Variants in SPMIP6 observed in about 807,000 individuals in gnomAD.
SPMIP6 encodes sperm microtubule inner protein 6.
chr9:34,380,174 GA>G, the SPMIP6 span, among the ~76,000 whole-genome samples: 1 of 152,082 alleles, frequency 6.6e-6, no homozygotes, highest in Non-Finnish European at 1.5e-5. Context: ...AGGGGCGGGG[GA>G]TCACTATGGA....
chr9:34,389,257 C>T, the SPMIP6 span, among the ~76,000 whole-genome samples: 3 of 152,074 alleles, frequency 2.0e-5, no homozygotes, highest in Admixed American at 6.6e-5. Flanking sequence ...TCTTGATGAA[C>T]CTCTTCTTGT....
the SPMIP6 span, among the ~76,000 whole-genome samples, chr9:34,381,974 T>A: frequency 6.6e-6 from 1 of 152,196 alleles, no homozygotes; most frequent in African/African-American, 2.4e-5. This position sits in a 1 kb window ranked among gnomAD's most constrained non-coding sequence, Gnocchi z 4.4. Context: ...TGGAAGACTC[T>A]CCTGTATCTG....
At chr9:34,381,638 G>GGGGTA in the SPMIP6 span, 1 of 1,431,194 alleles carries the variant, frequency 7.0e-7, no homozygotes, top group Non-Finnish European at 9.2e-7. The surrounding 1 kb of genome is among the most constrained non-coding windows in gnomAD (Gnocchi z 4.4). Flanking sequence ...GGGGCGGGGT[G>GGGGTA]GGGTAGGAAG....
the SPMIP6 span, among the ~76,000 whole-genome samples, chr9:34,386,357 A>C: frequency 6.6e-6 from 1 of 152,158 alleles, no homozygotes; most frequent in Non-Finnish European, 1.5e-5. Flanking sequence ...GCCCTTTGGG[A>C]GGCCGAGGCA....
At chr9:34,380,157 C>T in the SPMIP6 span, among the ~76,000 whole-genome samples, 3 of 152,162 alleles carry the variant, frequency 2.0e-5, no homozygotes, top group Non-Finnish European at 4.4e-5. Context: ...GCTCTCTCGG[C>T]CTGGAGAGGG....
At chr9:34,385,957 G>C in the SPMIP6 span, among the ~76,000 whole-genome samples, 3 of 152,152 alleles carry the variant, frequency 2.0e-5, no homozygotes, top group African/African-American at 4.8e-5. Flanking sequence ...CAGTGCTCTT[G>C]TCTGAATTAC....
chr9:34,380,353 G>C, the SPMIP6 span, among the ~76,000 whole-genome samples: 1 of 152,206 alleles, frequency 6.6e-6, no homozygotes, highest in Non-Finnish European at 1.5e-5. Context: ...AGGTGGTGCG[G>C]GATCCGAGGA....
At chr9:34,391,258 C>T in the SPMIP6 span, among the ~76,000 whole-genome samples, 1 of 152,114 alleles carries the variant, frequency 6.6e-6, no homozygotes, top group African/African-American at 2.4e-5. Flanking sequence ...ATTTCTTCTA[C>T]ATCTATTGTT....
chr9:34,386,251 C>T, the SPMIP6 span, among the ~76,000 whole-genome samples: 60 of 152,250 alleles, frequency 3.9e-4, no homozygotes, highest in African/African-American at 1.4e-3. Flanking sequence ...CTCTGGGAAT[C>T]TAGCATCTTA....
the SPMIP6 span, chr9:34,381,151 G>T: frequency 6.4e-7 from 1 of 1,565,776 alleles, no homozygotes. This position sits in a 1 kb window ranked among gnomAD's most constrained non-coding sequence, Gnocchi z 4.4. Flanking sequence ...CGGGTCCCCA[G>T]CGCAGGAGAC....
chr9:34,379,581 C>G, the SPMIP6 span: 2 of 1,434,496 alleles, frequency 1.4e-6, no homozygotes, highest in Non-Finnish European at 2.0e-6. The surrounding 1 kb of genome is among the most constrained non-coding windows in gnomAD (Gnocchi z 4.2). Flanking sequence ...GACATCCTCC[C>G]CCAGCCCCGC....
At chr9:34,381,279 C>T in the SPMIP6 span, 107 of 1,599,610 alleles carry the variant, frequency 6.7e-5, no homozygotes, top group Non-Finnish European at 8.7e-5. This position sits in a 1 kb window ranked among gnomAD's most constrained non-coding sequence, Gnocchi z 4.4. Flanking sequence ...CGGCCTCCTC[C>T]CCGTCCTTCA....
the SPMIP6 span, among the ~76,000 whole-genome samples, chr9:34,386,722 T>A: frequency 2.6e-5 from 4 of 152,356 alleles, 2 homozygotes; most frequent in Middle Eastern, 0.014. Flanking sequence ...CTTGACACTT[T>A]TCCTGTTCTT....
chr9:34,382,574 G>T, the SPMIP6 span: 1 of 581,690 alleles, frequency 1.7e-6, no homozygotes, highest in Non-Finnish European at 3.1e-6. Flanking sequence ...GATAGAGTGA[G>T]ACTCTATCTA....
the SPMIP6 span, chr9:34,380,685 G>A: frequency 6.5e-7 from 1 of 1,546,718 alleles, no homozygotes; most frequent in African/African-American, 1.4e-5. Context: ...CGGGGACTTG[G>A]AGTAACCTTC....
At chr9:34,397,008 TAGA>T in the SPMIP6 span, among the ~76,000 whole-genome samples, 1 of 152,154 alleles carries the variant, frequency 6.6e-6, no homozygotes, top group African/African-American at 2.4e-5. Flanking sequence ...GTGATACATA[TAGA>T]TAAAGGCATG....
At chr9:34,387,505 G>A in the SPMIP6 span, among the ~76,000 whole-genome samples, 2 of 151,962 alleles carry the variant, frequency 1.3e-5, no homozygotes, top group African/African-American at 4.8e-5. Context: ...ATTTCTCCGA[G>A]CTTTACACAC....
the SPMIP6 span, chr9:34,385,906 C>T: frequency 1.2e-6 from 1 of 852,646 alleles, no homozygotes; most frequent in Non-Finnish European, 1.8e-6. Context: ...CCCCCCTCCC[C>T]ATGTCAGAGG....
chr9:34,396,960 C>T, the SPMIP6 span, among the ~76,000 whole-genome samples: 1 of 152,178 alleles, frequency 6.6e-6, no homozygotes, highest in Admixed American at 6.5e-5. Flanking sequence ...TTTCCTCCCA[C>T]CTGGCCACCA....
Sources: gnomAD v4.1 joint callset for allele counts (sites outside exome capture counted in the v4.1 genomes callset) on GRCh38, gnomAD v4.1.1 for gene constraint, Gnocchi (gnomAD v3.1) non-coding constraint, MANE v1.5 for transcripts, NCBI Gene and HGNC (gene_info 2026-07-23, HGNC 2026-07-21) for gene names.